MTRR: variants seen among roughly 807,000 people sequenced by gnomAD.
MTRR encodes 5-methyltetrahydrofolate-homocysteine methyltransferase reductase, also known as methionine synthase reductase.
In MTRR, 63 loss-of-function variants were observed where a neutral mutation model predicts 79.2. That is an observed-to-expected ratio of 0.80 (90% CI 0.65 to 0.98). The LOEUF is 0.98. Ranked by LOEUF, MTRR falls within the 50% of genes least tolerant of loss-of-function variation. The pLI is 0.00. For missense variants in MTRR, 895 were observed against 839.6 expected (o/e 1.07, Z -0.82); for synonymous variants, 355 against 313.3 (o/e 1.13, Z -1.41).
chr5:7,875,769 A>G (rs947125884), intron 4 of MTRR, among the ~76,000 whole-genome samples: 10 of 152,234 alleles, frequency 6.6e-5, no homozygotes, highest in Non-Finnish European at 1.2e-4. Flanking sequence ...GGTGAGCCAC[A>G]CTTCGCTGTT....
chr5:7,869,478 C>T lies in MTRR; in HGVS notation c.-26+263C>T, dbSNP rs138374466. 0.018 allele frequency: 9,503 copies of T among 516,518 alleles called. 132 individuals carry two copies. The highest frequency in any genetic ancestry group is 0.026 in the Non-Finnish European group (7,500 of 286,168). 32.0% of individuals were successfully genotyped at this position (516,518 alleles called of 1,614,324 possible). On this transcript the variant is annotated intron_variant, in intron 1 of 14. Coordinates refer to ENST00000440940, the MANE Select transcript of MTRR (RefSeq NM_002454.3). ...GCCCCTGGGCGGCGTGGGGTCTCTC[C>T]TCATGTTCTGCCTTTGGTTCTAGGC...
chr5:7,888,831 G>A (rs1186070894), intron 8 of MTRR, among the ~76,000 whole-genome samples: 3 of 152,162 alleles, frequency 2.0e-5, no homozygotes, highest in Non-Finnish European at 4.4e-5. Context: ...CAAGTTTGAT[G>A]TTTTGTTCAG....
chr5:7,887,333 A>G (rs1356319818), intron 8 of MTRR, among the ~76,000 whole-genome samples: 2 of 150,744 alleles, frequency 1.3e-5, no homozygotes, highest in African/African-American at 4.8e-5. Flanking sequence ...GATTTCTTCT[A>G]ACCAGCTCCC....
intron 12 of MTRR, 39 bp from the exon 13 acceptor site, chr5:7,896,825 T>G (rs1436491450): frequency 6.5e-7 from 1 of 1,533,064 alleles, no homozygotes; most frequent in Admixed American, 1.7e-5. Flanking sequence ...TTACATATTC[T>G]TTATATCACA....
At chr5:7,878,863 T>C (rs3776465) in intron 5 of MTRR, among the ~76,000 whole-genome samples, 42,465 of 152,200 alleles carry the variant, frequency 0.28, 6,200 homozygotes, top group Non-Finnish European at 0.32. Flanking sequence ...AGTCTTTGAA[T>C]GCAGGGCTAA....
chr5:7,881,374 G>C (rs73034424), intron 5 of MTRR, among the ~76,000 whole-genome samples: 1 of 152,004 alleles, frequency 6.6e-6, no homozygotes. Flanking sequence ...AGGGGATGGG[G>C]TGTGGTAGTG....
chr5:7,866,803 A>C (rs368966263), upstream of MTRR: 79 of 1,614,108 alleles, frequency 4.9e-5, no homozygotes, highest in South Asian at 8.7e-4. Context: ...TTCTAAATAA[A>C]GCAGAGGCAT....
At chr5:7,870,223 T>A in intron 1 of MTRR, 1 of 254,286 alleles carries the variant, frequency 3.9e-6, no homozygotes, top group Non-Finnish European at 6.4e-6. Flanking sequence ...AGTATGTGCT[T>A]CAGTTACCTT....
At chr5:7,867,288 A>C (rs185535191), upstream of MTRR, 5 of 1,613,742 alleles carry the variant, frequency 3.1e-6, no homozygotes, top group African/African-American at 6.7e-5. Flanking sequence ...TTTTCAGTAC[A>C]TGCCTGCAAG....
At chr5:7,892,394 A>G (rs931085530) in intron 10 of MTRR, among the ~76,000 whole-genome samples, 3 of 152,216 alleles carry the variant, frequency 2.0e-5, no homozygotes, top group African/African-American at 7.2e-5. Context: ...GTTAGAATTT[A>G]TCCCCATTTC....
Position 7,900,703 on chromosome 5 carries a change from T to C in MTRR, c.*645T>C, listed in dbSNP as rs887897850. ...TTCACTCTGGCATATGATTTATCTA[T>C]CACCATTACTTTTTTTTAAGTCACA... On this transcript the variant is annotated 3_prime_UTR_variant, in exon 15 of 15. Transcript: ENST00000440940. 2 of 152,814 alleles carry C rather than the reference T, an allele frequency of 1.3e-5. No individual in the cohort carries two copies. Among genetic ancestry groups the C allele is most frequent in the Non-Finnish European group, 2.9e-5 (2 of 68,148 alleles). 9.5% of individuals were successfully genotyped at this position (152,814 alleles called of 1,614,324 possible). A position where few individuals can be genotyped will look rare whatever the true frequency, so the allele number is the denominator to read the frequency against.
At chr5:7,876,283 T>G (rs1226759993) in intron 4 of MTRR, among the ~76,000 whole-genome samples, 1 of 152,222 alleles carries the variant, frequency 6.6e-6, no homozygotes, top group Non-Finnish European at 1.5e-5. Context: ...CAAAGCTTTG[T>G]GACATTTCCT....
chr5:7,874,189 G>A (rs1678757829), intron 3 of MTRR, among the ~76,000 whole-genome samples: 1 of 152,156 alleles, frequency 6.6e-6, no homozygotes, highest in South Asian at 2.1e-4. Flanking sequence ...AGCACAATAT[G>A]ATACCAGAGG....
rs146105409 is a variant in MTRR at position 7,887,755 on chromosome 5, T to C, written c.1146+1052T>C. Among the ~76,000 whole-genome samples, 100 of 145,156 alleles carry C rather than the reference T, an allele frequency of 6.9e-4. 2 individuals are homozygous for C. The East Asian group carries it at 0.019, about 27-fold the overall frequency. ...ATGTGTATATATATGTGTGTGTATA[T>C]ATGTGTGTGTATGTATATATTTGTG... is the stretch of plus-strand genomic sequence containing the variant. On this transcript the variant is annotated intron_variant, in intron 8 of 14. Coordinates refer to ENST00000440940, the MANE Select transcript of MTRR (RefSeq NM_002454.3).
At chr5:7,875,176 T>A in intron 3 of MTRR, 82 bp from the exon 4 acceptor site, 1 of 921,378 alleles carries the variant, frequency 1.1e-6, no homozygotes, top group Non-Finnish European at 1.8e-6. Flanking sequence ...AATAGTATTA[T>A]TTTAGATATT....
intron 9 of MTRR, among the ~76,000 whole-genome samples, chr5:7,891,087 A>G (rs2126783507): frequency 6.6e-6 from 1 of 151,990 alleles, no homozygotes; most frequent in East Asian, 1.9e-4. Flanking sequence ...CAACTTATGG[A>G]CCCATTCCTA....
intron 3 of MTRR, among the ~76,000 whole-genome samples, chr5:7,874,165 A>G (rs568537334): frequency 6.6e-6 from 1 of 152,324 alleles, no homozygotes; most frequent in Non-Finnish European, 1.5e-5. Flanking sequence ...TTAAAGGATC[A>G]AAAGAACCAG....
intron 1 of MTRR, chr5:7,861,743 T>G (rs1413389616): frequency 6.5e-7 from 1 of 1,528,100 alleles, no homozygotes; most frequent in Admixed American, 2.0e-5. Flanking sequence ...TTTGATTCCT[T>G]CCACCTTGCA....
chr5:7,878,442 G>A, intron 5 of MTRR, 120 bp downstream of exon 5: 1 of 1,281,768 alleles, frequency 7.8e-7, no homozygotes, highest in South Asian at 1.3e-5. Flanking sequence ...GGCCCAATGT[G>A]GCCCAGAGCC....
Sources: gnomAD v4.1 joint callset for allele counts (sites outside exome capture counted in the v4.1 genomes callset) on GRCh38, gnomAD v4.1.1 for gene constraint, MANE v1.5 for transcripts, NCBI Gene and HGNC (gene_info 2026-07-23, HGNC 2026-07-21) for gene names.